Variants in RERE observed in about 807,000 individuals in gnomAD.
RERE encodes the protein arginine-glutamic acid dipeptide repeats protein.
A neutral mutation model predicts 146.1 loss-of-function variants in RERE; 40 were observed. The observed-to-expected ratio is 0.27, with a 90% CI of 0.21 to 0.36. RERE has a LOEUF of 0.36. Among genes scored for constraint, RERE ranks in the 10% least tolerant of loss-of-function variants. The pLI is 1.00. For synonymous variants in RERE, 1,003 were observed against 866.0 expected, an observed-to-expected ratio of 1.16 and a Z score of -2.78; for missense variants, 1,933 against 2,138.7, an observed-to-expected ratio of 0.90 and a Z score of 1.90.
intron 1 of RERE, among the ~76,000 whole-genome samples, chr1:8,776,563 G>A (rs1641067354): frequency 6.6e-6 from 1 of 152,170 alleles, no homozygotes; most frequent in Non-Finnish European, 1.5e-5. Context: ...CTCCCAAAGT[G>A]CAGGACTACA....
intron 3 of RERE, among the ~76,000 whole-genome samples, chr1:8,620,919 T>C (rs935676082): frequency 2.0e-5 from 3 of 152,058 alleles, no homozygotes; most frequent in Non-Finnish European, 2.9e-5. Flanking sequence ...AGCTTCCTAA[T>C]AGAATACATA....
At chr1:8,767,679 TATTAAAAAAA>T (rs1397904225) in intron 1 of RERE, among the ~76,000 whole-genome samples, 1 of 103,656 alleles carries the variant, frequency 9.6e-6, no homozygotes. Flanking sequence ...AAGCTTTCTT[TATTAAAAAAA>T]ATTAAAAATA....
At position 8,741,368 on chromosome 1, in the gene RERE, T is replaced by C. The variant is rs182472489; in HGVS notation, c.-145+75792A>G. On this transcript the variant is annotated intron_variant, in intron 1 of 22. Transcript: ENST00000400908. ...TCAGTATCAGCTCAGTTAATGGATG[T>C]TGAATGAAGGGGGGTGACATGGTTA... 2.4e-4 allele frequency among the ~76,000 whole-genome samples: 36 copies of C among 152,348 alleles called. No homozygotes were observed. The East Asian group carries it at 4.6e-3, about 20-fold the overall frequency.
rs142092694 is a variant in RERE at position 8,499,980 on chromosome 1, C to T, written c.880-2451G>A. On this transcript the variant is annotated intron_variant, in intron 8 of 22. Transcript: ENST00000400908. ...ACGAAAAATACAAAAATTAGCCAGG[C>T]GTGGTGGCACACGCCTATAGTGCCA... Among the ~76,000 whole-genome samples, 1,307 of 152,242 alleles carry T rather than the reference C, an allele frequency of 8.6e-3. 8 individuals carry two copies. Among genetic ancestry groups the T allele is most frequent in the Non-Finnish European group, 0.015 (1,001 of 68,010 alleles).
intron 20 of RERE, 40 bp downstream of exon 20, chr1:8,358,156 C>T: frequency 1.3e-6 from 2 of 1,554,694 alleles, no homozygotes; most frequent in Non-Finnish European, 1.7e-6. Context: ...CTGCACCCCT[C>T]CCCGTGCCTC....
At chr1:8,671,447 T>C (rs1304811963) in intron 1 of RERE, among the ~76,000 whole-genome samples, 1 of 152,214 alleles carries the variant, frequency 6.6e-6, no homozygotes, top group East Asian at 1.9e-4. Context: ...GCTGAAGTCC[T>C]TCCTGGCTGA....
At chr1:8,737,192 GC>G (rs1640218321) in intron 1 of RERE, among the ~76,000 whole-genome samples, 1 of 152,132 alleles carries the variant, frequency 6.6e-6, no homozygotes, top group Non-Finnish European at 1.5e-5. Flanking sequence ...TTCAATGAAA[GC>G]ATGCCAGTAT....
chr1:8,750,576 T>C, intron 1 of RERE: 2 of 1,012,792 alleles, frequency 2.0e-6, no homozygotes, highest in Non-Finnish European at 1.6e-6. Context: ...AAGAAGCTTA[T>C]TTATGAAAAA....
At chr1:8,766,925 TA>T in intron 1 of RERE, among the ~76,000 whole-genome samples, 1 of 152,354 alleles carries the variant, frequency 6.6e-6, no homozygotes, top group Non-Finnish European at 1.5e-5. Context: ...TAGTTATGTT[TA>T]TAAGTAGAAC....
At chr1:8,663,643 T>A (rs1638504533) in intron 1 of RERE, among the ~76,000 whole-genome samples, 1 of 152,190 alleles carries the variant, frequency 6.6e-6, no homozygotes, top group African/African-American at 2.4e-5. Context: ...CACCACTTTT[T>A]TTCATAATAG....
At chr1:8,562,827 G>A (rs762231685) in intron 4 of RERE, among the ~76,000 whole-genome samples, 5 of 151,988 alleles carry the variant, frequency 3.3e-5, no homozygotes, top group Non-Finnish European at 7.4e-5. Context: ...AACATATGTC[G>A]ATTTAAGGAG....
intron 2 of RERE, among the ~76,000 whole-genome samples, chr1:8,645,597 C>T (rs866314223): frequency 4.6e-5 from 7 of 152,114 alleles, no homozygotes; most frequent in South Asian, 2.1e-4. Context: ...AGATTGGGGG[C>T]GGAATCTGAG....
chr1:8,556,830 T>A (rs1481122637), intron 5 of RERE, among the ~76,000 whole-genome samples: 1 of 152,122 alleles, frequency 6.6e-6, no homozygotes, highest in Non-Finnish European at 1.5e-5. Context: ...CAAAATGGAT[T>A]AAGCACAAAT....
intron 1 of RERE, among the ~76,000 whole-genome samples, chr1:8,752,876 T>G (rs1296369846): frequency 2.0e-5 from 3 of 152,198 alleles, no homozygotes; most frequent in Admixed American, 1.3e-4. Flanking sequence ...TAATCAAAGT[T>G]CTATTTAAAG....
intron 2 of RERE, among the ~76,000 whole-genome samples, chr1:8,629,130 A>G (rs1218124641): frequency 6.6e-6 from 1 of 152,248 alleles, no homozygotes; most frequent in African/African-American, 2.4e-5. Context: ...GTAATGGGCC[A>G]GAAAAATGAG....
intron 12 of RERE, among the ~76,000 whole-genome samples, chr1:8,408,281 TA>T (rs1643511301): frequency 6.6e-6 from 1 of 151,966 alleles, no homozygotes; most frequent in Non-Finnish European, 1.5e-5. Flanking sequence ...AGCCGAGTAG[TA>T]ACAAAGGGCA....
chr1:8,435,159 T>C (rs1454359964), intron 11 of RERE, among the ~76,000 whole-genome samples: 2 of 152,272 alleles, frequency 1.3e-5, no homozygotes, highest in Non-Finnish European at 2.9e-5. Flanking sequence ...CTTCCAATGA[T>C]GCTTCCCCAA....
intron 2 of RERE, among the ~76,000 whole-genome samples, chr1:8,632,218 G>A (rs911448747): frequency 6.6e-6 from 1 of 152,186 alleles, no homozygotes; most frequent in Admixed American, 6.5e-5. Flanking sequence ...AACATCATCA[G>A]TGACAGGTAG....
At chr1:8,786,305 A>G in intron 1 of RERE, 1 of 907,296 alleles carries the variant, frequency 1.1e-6, no homozygotes, top group Non-Finnish European at 1.8e-6. Context: ...GGAGAAAATA[A>G]TTTGAAGGGC....
Sources: gnomAD v4.1 joint callset for allele counts (sites outside exome capture counted in the v4.1 genomes callset) on GRCh38, gnomAD v4.1.1 for gene constraint, MANE v1.5 for transcripts, NCBI Gene and HGNC (gene_info 2026-07-23, HGNC 2026-07-21) for gene names.